ATP6V1H: variants seen among roughly 807,000 people sequenced by gnomAD.
ATP6V1H encodes the protein V-type proton ATPase subunit H.
In ATP6V1H, 39 loss-of-function variants were observed where a neutral mutation model predicts 71.7. The ratio of observed to expected loss-of-function variants is 0.54; its 90% CI spans 0.42 to 0.71. The LOEUF (loss-of-function observed/expected upper bound fraction) is 0.71, where lower values mean the gene tolerates loss of function less well. Among genes scored for constraint, ATP6V1H ranks in the 30% least tolerant of loss-of-function variants. The pLI, the probability that ATP6V1H is intolerant of heterozygous loss-of-function variation, is 0.00. For synonymous variants in ATP6V1H, 192 were observed against 199.3 expected (o/e 0.96, Z 0.31); for missense variants, 509 against 594.9 (o/e 0.86, Z 1.50).
chr8:53,723,285 G>C (rs1382305120), intron 13 of ATP6V1H, among the ~76,000 whole-genome samples: 1 of 152,102 alleles, frequency 6.6e-6, no homozygotes, highest in African/African-American at 2.4e-5. Flanking sequence ...CATCCAACTG[G>C]TATACAAGTC....
chr8:53,742,692 T>A (rs1342444011), intron 13 of ATP6V1H, among the ~76,000 whole-genome samples: 1 of 152,182 alleles, frequency 6.6e-6, no homozygotes, highest in Non-Finnish European at 1.5e-5. Context: ...ATGTAACACA[T>A]GATACCACAG....
chr8:53,742,677 G>GT (rs1214965375), intron 13 of ATP6V1H, among the ~76,000 whole-genome samples: 1 of 152,178 alleles, frequency 6.6e-6, no homozygotes, highest in Non-Finnish European at 1.5e-5. Flanking sequence ...TGGCAGGAAC[G>GT]TAATATGTAA....
At chr8:53,780,854 T>A (rs1290224301) in intron 9 of ATP6V1H, among the ~76,000 whole-genome samples, 1 of 152,224 alleles carries the variant, frequency 6.6e-6, no homozygotes, top group Non-Finnish European at 1.5e-5. Context: ...TCCATGTCCC[T>A]ACAAAGGACA....
intron 13 of ATP6V1H, among the ~76,000 whole-genome samples, chr8:53,734,709 TAC>T: frequency 6.6e-6 from 1 of 152,170 alleles, no homozygotes; most frequent in Admixed American, 6.5e-5. Context: ...GAGCTCCCAC[TAC>T]AGTTGCTTTA....
Position 53,757,549 on chromosome 8 carries a change from C to T in ATP6V1H, c.1176-893G>A, listed in dbSNP as rs146794291. On this transcript the variant is annotated intron_variant, in intron 11 of 13. Coordinates refer to ENST00000359530, the MANE Select transcript of ATP6V1H (RefSeq NM_015941.4). Reference sequence around the variant, plus strand: ...TTCTCAATTCATTCTAAAAGCAGAGCGTAACTGTGATAACCAGTCAGAATG... The same window carrying T: ...TTCTCAATTCATTCTAAAAGCAGAGTGTAACTGTGATAACCAGTCAGAATG... Among the ~76,000 whole-genome samples, 598 of 152,270 alleles carry T rather than the reference C, an allele frequency of 3.9e-3. 5 individuals are homozygous for T. The highest frequency in any genetic ancestry group is 0.013 in the African/African-American group (543 of 41,546).
At chr8:53,722,012 TAAAGAGTGTA>T (rs1387899872) in intron 13 of ATP6V1H, among the ~76,000 whole-genome samples, 1 of 152,238 alleles carries the variant, frequency 6.6e-6, no homozygotes, top group Non-Finnish European at 1.5e-5. Context: ...GAAATTGCGT[TAAAGAGTGTA>T]TTCTAAAAGC....
intron 12 of ATP6V1H, among the ~76,000 whole-genome samples, chr8:53,751,373 A>C (rs1807789822): frequency 6.6e-6 from 1 of 152,212 alleles, no homozygotes; most frequent in Non-Finnish European, 1.5e-5. Context: ...TGTGGATAAA[A>C]AGGCTGTACT....
At chr8:53,738,529 G>A (rs1807307571) in intron 13 of ATP6V1H, among the ~76,000 whole-genome samples, 1 of 152,064 alleles carries the variant, frequency 6.6e-6, no homozygotes, top group Admixed American at 6.5e-5. Context: ...TGTCTACAAA[G>A]CCAATCGTAA....
chr8:53,794,104 C>A lies in ATP6V1H; in HGVS notation c.870+1543G>T, dbSNP rs550830122. ...AGCACTGGTTAAATAAATAGCTCTA[C>A]ACCAACACAGCGGAAAATAGCCATT... On this transcript the variant is annotated intron_variant, in intron 9 of 13. Transcript: ENST00000359530. 2.9e-4 allele frequency among the ~76,000 whole-genome samples: 44 copies of A among 152,218 alleles called. 1 individual carries two copies. The South Asian group carries it at 8.7e-3, about 30-fold the overall frequency.
At chr8:53,834,825 C>G (rs1240081113) in intron 2 of ATP6V1H, among the ~76,000 whole-genome samples, 1 of 151,976 alleles carries the variant, frequency 6.6e-6, no homozygotes, top group African/African-American at 2.4e-5. Flanking sequence ...CAGAGAAACA[C>G]TGAATGTAAA....
At chr8:53,754,867 C>A (rs561297214) in intron 12 of ATP6V1H, among the ~76,000 whole-genome samples, 1 of 152,128 alleles carries the variant, frequency 6.6e-6, no homozygotes, top group South Asian at 2.1e-4. Flanking sequence ...TATTTTAAGG[C>A]GAGACTGGCC....
intron 4 of ATP6V1H, among the ~76,000 whole-genome samples, chr8:53,819,497 A>C (rs1810561318): frequency 7.4e-6 from 1 of 135,326 alleles, no homozygotes; most frequent in African/African-American, 2.7e-5. Flanking sequence ...GTGCCACTGC[A>C]CTCCAGCCTC....
At chr8:53,776,652 G>A (rs1253911315) in intron 9 of ATP6V1H, among the ~76,000 whole-genome samples, 1 of 152,172 alleles carries the variant, frequency 6.6e-6, no homozygotes, top group Admixed American at 6.5e-5. Flanking sequence ...ACAACATTCA[G>A]AATACACTCC....
intron 9 of ATP6V1H, among the ~76,000 whole-genome samples, chr8:53,791,237 G>A (rs2130398086): frequency 6.6e-6 from 1 of 152,294 alleles, no homozygotes; most frequent in South Asian, 2.1e-4. Context: ...CAGAGCAGGA[G>A]AGCACAGAAT....
intron 6 of ATP6V1H, among the ~76,000 whole-genome samples, chr8:53,811,602 CA>C (rs1810276340): frequency 6.6e-6 from 1 of 152,054 alleles, no homozygotes; most frequent in Non-Finnish European, 1.5e-5. Context: ...GCAAAGCTTT[CA>C]AAAATAGGTG....
At chr8:53,807,160 CAAAGA>C (rs1317291782) in intron 7 of ATP6V1H, among the ~76,000 whole-genome samples, 1 of 152,184 alleles carries the variant, frequency 6.6e-6, no homozygotes, top group African/African-American at 2.4e-5. Flanking sequence ...AGAACTAAAG[CAAAGA>C]AGTCTTCCAC....
chr8:53,776,471 G>T (rs1808895456), intron 9 of ATP6V1H, among the ~76,000 whole-genome samples: 1 of 152,238 alleles, frequency 6.6e-6, no homozygotes, highest in Non-Finnish European at 1.5e-5. Context: ...CACAAGGACA[G>T]ACTCCCAGCA....
intron 10 of ATP6V1H, 38 bp from the exon 11 acceptor site, chr8:53,769,781 A>C (rs2130311849): frequency 6.5e-7 from 1 of 1,533,624 alleles, no homozygotes; most frequent in African/African-American, 1.4e-5. Context: ...GTTTATAAGA[A>C]TCTGACAGTA....
At chr8:53,778,758 C>T (rs1219713710) in intron 9 of ATP6V1H, among the ~76,000 whole-genome samples, 3 of 152,138 alleles carry the variant, frequency 2.0e-5, no homozygotes, top group Non-Finnish European at 4.4e-5. Flanking sequence ...GAACTAGATA[C>T]TCCAGTTAAG....
Sources: allele counts gnomAD v4.1 joint callset (sites outside exome capture counted in the v4.1 genomes callset), GRCh38; gene constraint gnomAD v4.1.1; transcripts MANE v1.5; gene names NCBI Gene and HGNC (gene_info 2026-07-23, HGNC 2026-07-21).